The following KCNK3 variants were observed in gnomAD, a reference collection of about 807,000 sequenced individuals.
The protein encoded by KCNK3 is potassium two pore domain channel subfamily K member 3, also known as potassium channel subfamily K member 3.
A neutral mutation model predicts 27.3 loss-of-function variants in KCNK3; 9 were observed. The observed-to-expected ratio is 0.33, with a 90% CI of 0.20 to 0.57. The LOEUF (loss-of-function observed/expected upper bound fraction) is 0.57, where lower values mean the gene tolerates loss of function less well. Ranked by LOEUF, KCNK3 falls within the 20% of genes least tolerant of loss-of-function variation. The pLI, the probability that KCNK3 is intolerant of heterozygous loss-of-function variation, is 0.87. For missense variants in KCNK3, 391 were observed against 577.7 expected (o/e 0.68, Z 3.31); for synonymous variants, 278 against 273.8 (o/e 1.02, Z -0.15).
chr2:26,692,837 C>A lies in KCNK3; in HGVS notation c.-39C>A, dbSNP rs1670186424. ...CGGCGGCCGGGGCCGAGGCGCGGGC[C>A]GGGGGCGCCGGGGGGCCGGCGGCGG... On this transcript the variant is annotated 5_prime_UTR_variant, in exon 1 of 2. Transcript: ENST00000302909. The surrounding 1 kb of genome is among the most constrained non-coding windows in gnomAD (Gnocchi z 5.6). 3 of 1,140,370 alleles carry A rather than the reference C, an allele frequency of 2.6e-6. No individual in the cohort carries two copies. Among genetic ancestry groups the A allele is most frequent in the African/African-American group, 1.7e-5 (1 of 60,540 alleles). The allele number at this position is 1,140,370 out of a possible 1,614,324, so 70.6% of individuals were successfully genotyped here.
intron 1 of KCNK3, among the ~76,000 whole-genome samples, chr2:26,711,668 A>G (rs1298813609): frequency 2.6e-5 from 4 of 152,204 alleles, no homozygotes; most frequent in Non-Finnish European, 2.9e-5. Flanking sequence ...AATAATATAT[A>G]CCAATAGGGT....
chr2:26,727,827 C>G lies in KCNK3; in HGVS notation c.444C>G (p.Gly148=). The G allele has an allele frequency of 6.2e-7, 1 of 1,611,780 alleles. No homozygotes were observed. Among genetic ancestry groups the G allele is most frequent in the South Asian group, 1.1e-5 (1 of 90,916 alleles). Residue 148 remains glycine (G), a synonymous_variant, in exon 2 of 2, where the codon GGC becomes GGG. Transcript: ENST00000302909. ...TGCACCGCGCCAAGAAGGGGCTGGG[C>G]ATGCGGCGCGCCGACGTGTCCATGG... is the stretch of plus-strand genomic sequence containing the variant. ...YLLHRAKKGL[G]MRRADVSMAN... is the part of the protein sequence containing the mutation.
intron 1 of KCNK3, among the ~76,000 whole-genome samples, chr2:26,697,162 C>T (rs1169073919): frequency 6.6e-6 from 1 of 152,152 alleles, no homozygotes; most frequent in Non-Finnish European, 1.5e-5. Context: ...ACCTCTCTGA[C>T]TCTCCTGCCC....
rs143491652 is a variant in KCNK3, at chr2:26,731,937, C to T, written c.*3369C>T. On this transcript the variant is annotated 3_prime_UTR_variant, in exon 2 of 2. Coordinates refer to ENST00000302909, the MANE Select transcript of KCNK3 (RefSeq NM_002246.3). Reference sequence around the variant, plus strand: ...CCAGCTGACAGTGGTACCTCCCAGTCAGCCAGGAGAATGGATTCCTTCTCC... The same window carrying T: ...CCAGCTGACAGTGGTACCTCCCAGTTAGCCAGGAGAATGGATTCCTTCTCC... The T allele has an allele frequency of 7.9e-5, 12 of 152,396 alleles. No homozygotes were observed. The East Asian group carries it at 2.3e-3, about 29-fold the overall frequency. 9.4% of individuals were successfully genotyped at this position (152,396 alleles called of 1,614,324 possible). A position where few individuals can be genotyped will look rare whatever the true frequency, so the allele number is the denominator to read the frequency against.
chr2:26,706,201 T>G (rs1370419070), intron 1 of KCNK3, among the ~76,000 whole-genome samples: 1 of 152,160 alleles, frequency 6.6e-6, no homozygotes, highest in Non-Finnish European at 1.5e-5. Flanking sequence ...AGGAAGATCT[T>G]TGCTCATCCT....
intron 1 of KCNK3, among the ~76,000 whole-genome samples, chr2:26,706,463 G>A (rs1293137749): frequency 6.6e-6 from 1 of 152,110 alleles, no homozygotes; most frequent in African/African-American, 2.4e-5. Flanking sequence ...CTGGGGTTGG[G>A]GCCAGGCTGA....
chr2:26,724,052 G>A (rs1298376170), intron 1 of KCNK3, among the ~76,000 whole-genome samples: 2 of 152,244 alleles, frequency 1.3e-5, no homozygotes, highest in Non-Finnish European at 2.9e-5. Flanking sequence ...CAGGCAGCGG[G>A]CCTGCTGGCA....
At position 26,732,260 on chromosome 2, in the gene KCNK3, T is replaced by G. The variant is rs183015924; in HGVS notation, c.*3692T>G. ...CTCCATGCCTATCTATCTGCCTACC[T>G]TTCACAAAATAATTCTTAGCAACCC... On this transcript the variant is annotated 3_prime_UTR_variant, in exon 2 of 2. Transcript: ENST00000302909. 1 of 152,364 alleles carries G rather than the reference T, an allele frequency of 6.6e-6. No individual in the cohort carries two copies. Among genetic ancestry groups the G allele is most frequent in the East Asian group, 1.9e-4 (1 of 5,190 alleles). The allele number at this position is 152,364 out of a possible 1,614,324, so 9.4% of individuals were successfully genotyped here.
At chr2:26,694,480 A>C (rs979263293) in intron 1 of KCNK3, among the ~76,000 whole-genome samples, 2 of 152,104 alleles carry the variant, frequency 1.3e-5, no homozygotes, top group Non-Finnish European at 2.9e-5. Context: ...CCTGCGGTCT[A>C]TCCACTGCAG....
chr2:26,718,015 C>G (rs1300752642), intron 1 of KCNK3, among the ~76,000 whole-genome samples: 2 of 152,146 alleles, frequency 1.3e-5, no homozygotes, highest in Non-Finnish European at 2.9e-5. Context: ...CAGGGCATCC[C>G]ACACACCATG....
rs971042995 is a variant in KCNK3 at position 26,728,912 on chromosome 2, G to A, written c.*344G>A. Reference sequence around the variant, plus strand: ...TGCTGGTACCCAGACCCCCACCTTCGGAGGGGACTTCATGTTCCGTGTACG... The same window carrying A: ...TGCTGGTACCCAGACCCCCACCTTCAGAGGGGACTTCATGTTCCGTGTACG... On this transcript the variant is annotated 3_prime_UTR_variant, in exon 2 of 2. Coordinates refer to ENST00000302909, the MANE Select transcript of KCNK3 (RefSeq NM_002246.3). 11 of 260,130 alleles carry A rather than the reference G, an allele frequency of 4.2e-5. No individual in the cohort carries two copies. Among genetic ancestry groups the A allele is most frequent in the East Asian group, 2.0e-4 (3 of 14,918 alleles). The allele number at this position is 260,130 out of a possible 1,614,324, so 16.1% of individuals were successfully genotyped here.
chr2:26,697,023 T>G (rs1468590047), intron 1 of KCNK3, among the ~76,000 whole-genome samples: 1 of 152,164 alleles, frequency 6.6e-6, no homozygotes, highest in African/African-American at 2.4e-5. Flanking sequence ...TATTTAATTC[T>G]CTCACCAACC....
At chr2:26,711,106 G>C (rs1474573844) in intron 1 of KCNK3, among the ~76,000 whole-genome samples, 1 of 152,130 alleles carries the variant, frequency 6.6e-6, no homozygotes, top group Non-Finnish European at 1.5e-5. Flanking sequence ...CTGAAGCCCA[G>C]AGTCCAGCCT....
intron 1 of KCNK3, among the ~76,000 whole-genome samples, chr2:26,702,593 C>A (rs1239703954): frequency 6.6e-6 from 1 of 152,104 alleles, no homozygotes; most frequent in Non-Finnish European, 1.5e-5. Context: ...TTGAAGCTGA[C>A]CAAAGATGAA....
intron 1 of KCNK3, among the ~76,000 whole-genome samples, chr2:26,708,572 G>A (rs1054893171): frequency 1.2e-4 from 18 of 152,132 alleles, no homozygotes; most frequent in African/African-American, 3.6e-4. Context: ...CCAGCTACTC[G>A]GGAGGCTGAG....
chr2:26,716,243 G>T (rs574704817), intron 1 of KCNK3, among the ~76,000 whole-genome samples: 2 of 152,296 alleles, frequency 1.3e-5, no homozygotes, highest in Admixed American at 6.5e-5. Context: ...TGAGCCTCAG[G>T]TTCCACATCT....
chr2:26,693,974 C>G lies in KCNK3; in HGVS notation c.283+816C>G, dbSNP rs533677414. Among the ~76,000 whole-genome samples, 835 of 151,900 alleles carry G rather than the reference C, an allele frequency of 5.5e-3. 4 individuals are homozygous for G. Among genetic ancestry groups the G allele is most frequent in the African/African-American group, 0.012 (516 of 41,358 alleles). The stretch of plus-strand genomic sequence containing the variant: ...CACAGGGCGGGCACACACACACACA[C>G]ACACAGAGAGAGAGACAGAGAGAGA... On this transcript the variant is annotated intron_variant, in intron 1 of 1. Transcript: ENST00000302909. The surrounding 1 kb of genome is among the most constrained non-coding windows in gnomAD (Gnocchi z 5.5).
At position 26,728,198 on chromosome 2, in the gene KCNK3, G is replaced by A. The variant is rs544168447; in HGVS notation, c.815G>A (p.Gly272Asp). 11 of 1,563,926 alleles carry A rather than the reference G, an allele frequency of 7.0e-6. No homozygotes were observed. The highest frequency in any genetic ancestry group is 2.4e-5 in the East Asian group (1 of 41,824). The change falls in exon 2 of 2, where the codon GGC becomes GAC. Residue 272 changes from glycine to aspartate, a missense_variant. Physicochemically the swap from Gly to Asp is moderately conservative, Grantham distance 94 (BLOSUM62 -1). Transcript: ENST00000302909. ...ALLTRNGQAG[G>D]GGGGGSAHTT... ...CTCACGCGCAACGGGCAGGCGGGCG[G>A]CGGCGGAGGGGGTGGCAGCGCGCAC...
intron 1 of KCNK3, among the ~76,000 whole-genome samples, chr2:26,725,431 A>G (rs1663399652): frequency 6.6e-6 from 1 of 152,206 alleles, no homozygotes; most frequent in Non-Finnish European, 1.5e-5. Context: ...CACAGCTATC[A>G]CGTGGCCAAG....
Sources: gnomAD v4.1 joint callset for allele counts (sites outside exome capture counted in the v4.1 genomes callset) on GRCh38, gnomAD v4.1.1 for gene constraint, Gnocchi (gnomAD v3.1) non-coding constraint, MANE v1.5 for transcripts, NCBI Gene and HGNC (gene_info 2026-07-23, HGNC 2026-07-21) for gene names.